PLCB1: variants seen among roughly 807,000 people sequenced by gnomAD.
PLCB1 encodes phospholipase C beta 1.
A neutral mutation model predicts 161.8 loss-of-function variants in PLCB1; 46 were observed. The observed-to-expected ratio is 0.28, with a 90% CI of 0.22 to 0.36. The LOEUF (loss-of-function observed/expected upper bound fraction) is 0.36. PLCB1 is among the 10% of genes least tolerant of loss of function. PLCB1 has a pLI of 1.00. For missense variants in PLCB1, 1,016 were observed against 1,472.5 expected, an observed-to-expected ratio of 0.69 and a Z score of 5.07; for synonymous variants, 517 against 503.7, an observed-to-expected ratio of 1.03 and a Z score of -0.35.
At chr20:8,543,273 G>C (rs891564566) in intron 3 of PLCB1, among the ~76,000 whole-genome samples, 1 of 152,152 alleles carries the variant, frequency 6.6e-6, no homozygotes. Context: ...GATATGTGGA[G>C]GTCAAATGCC....
At chr20:8,586,739 C>T (rs1325237554) in intron 3 of PLCB1, among the ~76,000 whole-genome samples, 1 of 152,162 alleles carries the variant, frequency 6.6e-6, no homozygotes, top group Admixed American at 6.5e-5. Flanking sequence ...AATTAGATTA[C>T]AGAAAATTTA....
At chr20:8,551,391 C>T (rs1403435281) in intron 3 of PLCB1, among the ~76,000 whole-genome samples, 1 of 152,184 alleles carries the variant, frequency 6.6e-6, no homozygotes, top group Non-Finnish European at 1.5e-5. Context: ...TATTTTCTTT[C>T]TTGGCTTCAG....
At chr20:8,446,359 C>A (rs1038056880) in intron 3 of PLCB1, among the ~76,000 whole-genome samples, 2 of 152,178 alleles carry the variant, frequency 1.3e-5, no homozygotes, top group African/African-American at 2.4e-5. Flanking sequence ...AATTCAACAA[C>A]CCTTTGTTTT....
At chr20:8,149,548 T>C (rs1184484963) in intron 1 of PLCB1, among the ~76,000 whole-genome samples, 1 of 152,160 alleles carries the variant, frequency 6.6e-6, no homozygotes, top group Admixed American at 6.5e-5. Flanking sequence ...TATGTCTCTC[T>C]AAAAAATGCA....
intron 31 of PLCB1, among the ~76,000 whole-genome samples, chr20:8,865,156 T>A (rs758847410): frequency 2.5e-4 from 38 of 152,190 alleles, no homozygotes; most frequent in Non-Finnish European, 3.4e-4. Flanking sequence ...TTTTTTTTCA[T>A]CCTTGCACTT....
chr20:8,372,901 C>T (rs1382081268), intron 3 of PLCB1, among the ~76,000 whole-genome samples: 1 of 152,182 alleles, frequency 6.6e-6, no homozygotes, highest in African/African-American at 2.4e-5. Flanking sequence ...CATCAGAGCC[C>T]TGTTTGTCCC....
intron 3 of PLCB1, among the ~76,000 whole-genome samples, chr20:8,451,766 C>T (rs556399300): frequency 1.3e-5 from 2 of 151,714 alleles, no homozygotes; most frequent in South Asian, 2.1e-4. Context: ...TTTCATTTGC[C>T]TCTATTTTCC....
intron 31 of PLCB1, among the ~76,000 whole-genome samples, chr20:8,836,616 TGATA>T (rs1316528752): frequency 6.6e-6 from 1 of 152,134 alleles, no homozygotes; most frequent in African/African-American, 2.4e-5. Context: ...AAGAGGGCAC[TGATA>T]GATAGTCCGT....
intron 12 of PLCB1, among the ~76,000 whole-genome samples, 185 bp downstream of exon 12, chr20:8,708,937 C>T (rs951972133): frequency 4.6e-5 from 7 of 152,066 alleles, no homozygotes; most frequent in Non-Finnish European, 8.8e-5. Flanking sequence ...TAAAATTATC[C>T]GTTGGACTTG....
chr20:8,739,411 T>A (rs1192068048), intron 21 of PLCB1, 51 bp downstream of exon 21: 1 of 1,086,040 alleles, frequency 9.2e-7, no homozygotes, highest in Admixed American at 1.7e-5. Context: ...AAGAAAATCA[T>A]TACTGCTTAA....
chr20:8,348,095 C>T (rs1013251121), intron 2 of PLCB1, among the ~76,000 whole-genome samples: 1 of 152,138 alleles, frequency 6.6e-6, no homozygotes, highest in Non-Finnish European at 1.5e-5. Context: ...GTGAACACTG[C>T]AAGTTTCTGT....
At chr20:8,714,964 G>T (rs1423258392) in intron 12 of PLCB1, among the ~76,000 whole-genome samples, 1 of 151,572 alleles carries the variant, frequency 6.6e-6, no homozygotes, top group Non-Finnish European at 1.5e-5. Context: ...AAAAGCCCAT[G>T]ATCCAGGCTT....
intron 3 of PLCB1, among the ~76,000 whole-genome samples, chr20:8,580,862 G>T (rs1429361313): frequency 6.6e-6 from 1 of 152,208 alleles, no homozygotes; most frequent in African/African-American, 2.4e-5. Context: ...GGCTGTAGGT[G>T]ACACTTCGGG....
chr20:8,162,362 A>G (rs912763460), intron 2 of PLCB1, among the ~76,000 whole-genome samples: 30 of 152,128 alleles, frequency 2.0e-4, no homozygotes, highest in Non-Finnish European at 4.0e-4. Context: ...TTTATAGCTA[A>G]TTTTTCATTT....
chr20:8,595,207 G>C (rs886536655), intron 3 of PLCB1, among the ~76,000 whole-genome samples: 77 of 148,882 alleles, frequency 5.2e-4, no homozygotes, highest in Non-Finnish European at 9.2e-4. Flanking sequence ...CCACTAACTT[G>C]TCATCTAGCA....
chr20:8,523,487 T>C lies in PLCB1; in HGVS notation c.247-104807T>C, dbSNP rs1264970430. On this transcript the variant is annotated intron_variant, in intron 3 of 31. Coordinates refer to ENST00000338037, the MANE Select transcript of PLCB1 (RefSeq NM_015192.4). The stretch of plus-strand genomic sequence containing the variant: ...TTGGCTCTCTCTCTCTCTCTCTCTC[T>C]CTCTCTCTCTATATATATATATATA... Among the ~76,000 whole-genome samples the C allele has an allele frequency of 1.4e-4, 11 of 79,396 alleles. 1 individual carries two copies. Among genetic ancestry groups the C allele is most frequent in the Non-Finnish European group, 2.7e-4 (11 of 40,026 alleles). 52.1% of individuals were successfully genotyped at this position (79,396 alleles called of 152,430 possible).
chr20:8,145,196 C>G (rs2051441377), intron 1 of PLCB1, among the ~76,000 whole-genome samples: 1 of 152,126 alleles, frequency 6.6e-6, no homozygotes. Context: ...GGATGTGTGC[C>G]AGGCCTCTCG....
intron 18 of PLCB1, among the ~76,000 whole-genome samples, chr20:8,732,607 T>C (rs1243390160): frequency 7.0e-6 from 1 of 142,052 alleles, no homozygotes; most frequent in African/African-American, 2.5e-5. Flanking sequence ...GTGTATCATA[T>C]TAGAAATTAG....
At chr20:8,641,452 G>T (rs1340214624) in intron 4 of PLCB1, among the ~76,000 whole-genome samples, 1 of 152,150 alleles carries the variant, frequency 6.6e-6, no homozygotes, top group Non-Finnish European at 1.5e-5. Flanking sequence ...AGAATGCGAG[G>T]CAGAACTATG....
Sources: allele counts gnomAD v4.1 joint callset (sites outside exome capture counted in the v4.1 genomes callset), GRCh38; gene constraint gnomAD v4.1.1; transcripts MANE v1.5; gene names NCBI Gene and HGNC (gene_info 2026-07-23, HGNC 2026-07-21).